PSD3: variants seen among roughly 807,000 people sequenced by gnomAD.
PSD3 encodes PH and SEC7 domain-containing protein 3.
In PSD3, 49 loss-of-function variants were observed where a neutral mutation model predicts 105.5. The ratio of observed to expected loss-of-function variants is 0.46; its 90% CI spans 0.37 to 0.59. The LOEUF is 0.59. Among genes scored for constraint, PSD3 ranks in the 20% least tolerant of loss-of-function variants. PSD3 has a pLI of 0.00. For missense variants in PSD3, 1,561 were observed against 1,263.8 expected (o/e 1.24, Z -3.57); for synonymous variants, 557 against 457.8 (o/e 1.22, Z -2.77).
intron 4 of PSD3, among the ~76,000 whole-genome samples, chr8:18,834,745 GGA>G (rs2129450727): frequency 6.6e-6 from 1 of 152,296 alleles, no homozygotes; most frequent in South Asian, 2.1e-4. Flanking sequence ...TGAAAAAAAG[GGA>G]GAGTAGAGAT....
chr8:18,993,130 T>G (rs1825893752), intron 1 of PSD3, among the ~76,000 whole-genome samples: 2 of 152,160 alleles, frequency 1.3e-5, no homozygotes, highest in African/African-American at 4.8e-5. Flanking sequence ...TAAGAAAATC[T>G]TGTAAATGTC....
chr8:18,566,690 C>T (rs984922460), intron 14 of PSD3, among the ~76,000 whole-genome samples: 5 of 152,176 alleles, frequency 3.3e-5, no homozygotes, highest in African/African-American at 9.6e-5. Context: ...TGAAATGATA[C>T]GGTTACCTTG....
intron 4 of PSD3, among the ~76,000 whole-genome samples, chr8:18,834,710 G>C (rs1055293510): frequency 1.3e-5 from 2 of 152,182 alleles, no homozygotes; most frequent in African/African-American, 2.4e-5. Flanking sequence ...AGAATGAAGA[G>C]TTATATAGAG....
intron 2 of PSD3, among the ~76,000 whole-genome samples, chr8:18,895,136 G>A (rs868221670): frequency 6.6e-6 from 1 of 152,188 alleles, no homozygotes; most frequent in African/African-American, 2.4e-5. Flanking sequence ...GGCAATCAAG[G>A]AAGCCTGCTC....
intron 9 of PSD3, among the ~76,000 whole-genome samples, chr8:18,739,657 A>C (rs907957090): frequency 6.6e-6 from 1 of 152,214 alleles, no homozygotes; most frequent in Non-Finnish European, 1.5e-5. Context: ...GCAAAAAAAT[A>C]AACCACATTT....
intron 9 of PSD3, among the ~76,000 whole-genome samples, chr8:18,746,985 C>G (rs1805084355): frequency 6.6e-6 from 1 of 152,226 alleles, no homozygotes; most frequent in Admixed American, 6.5e-5. Context: ...ATCCATGTGC[C>G]TGCTTGCTCT....
At chr8:19,042,940 T>G (rs1310702633) in intron 1 of PSD3, among the ~76,000 whole-genome samples, 1 of 152,182 alleles carries the variant, frequency 6.6e-6, no homozygotes, top group Non-Finnish European at 1.5e-5. Flanking sequence ...ATTGTACCAG[T>G]GAGCTGGCCA....
intron 1 of PSD3, among the ~76,000 whole-genome samples, chr8:18,971,833 C>T (rs1824669425): frequency 1.3e-5 from 2 of 151,968 alleles, no homozygotes; most frequent in South Asian, 2.1e-4. Context: ...AGTGAAACCC[C>T]GCCTCTACTA....
At chr8:18,602,416 T>C (rs1026007940) in intron 11 of PSD3, among the ~76,000 whole-genome samples, 10 of 152,106 alleles carry the variant, frequency 6.6e-5, no homozygotes, top group African/African-American at 1.7e-4. Context: ...TGTACTCACT[T>C]ACTGCAGTCT....
intron 2 of PSD3, among the ~76,000 whole-genome samples, chr8:18,924,142 G>C (rs976479981): frequency 1.2e-4 from 19 of 152,220 alleles, no homozygotes; most frequent in African/African-American, 4.3e-4. Context: ...GGAATAAGGT[G>C]GAACCTCTAA....
intron 2 of PSD3, among the ~76,000 whole-genome samples, chr8:18,918,136 C>G (rs1469449521): frequency 6.6e-6 from 1 of 152,144 alleles, no homozygotes; most frequent in African/African-American, 2.4e-5. Flanking sequence ...CACGTAAGAC[C>G]ATTCATAACC....
intron 9 of PSD3, among the ~76,000 whole-genome samples, chr8:18,677,860 A>G (rs1367486968): frequency 6.6e-6 from 1 of 152,012 alleles, no homozygotes; most frequent in Non-Finnish European, 1.5e-5. Flanking sequence ...AATACAAAAA[A>G]TTAGCCAGGC....
In PSD3 at chr8:18,733,958, G is replaced by C. The variant is rs539658962; in HGVS notation, c.2172+31491C>G. ...CAAAACCACAGATGAAAGGAACTGA[G>C]AAGCTATGGGTTTTTTTTGCTGCCT... On this transcript the variant is annotated intron_variant, in intron 9 of 15. Transcript: ENST00000327040. 4.6e-5 allele frequency: 7 copies of C among 152,360 alleles called. No individual in the cohort carries two copies. The East Asian group carries it at 9.6e-4, about 21-fold the overall frequency. 9.4% of individuals were successfully genotyped at this position (152,360 alleles called of 1,614,324 possible).
At chr8:18,730,972 A>C (rs189752885) in intron 9 of PSD3, among the ~76,000 whole-genome samples, 1 of 152,360 alleles carries the variant, frequency 6.6e-6, no homozygotes, top group Non-Finnish European at 1.5e-5. Context: ...AACTTTAAAA[A>C]GATAATTTCT....
At chr8:18,901,064 TA>T (rs1819472347) in intron 2 of PSD3, among the ~76,000 whole-genome samples, 1 of 152,222 alleles carries the variant, frequency 6.6e-6, no homozygotes, top group African/African-American at 2.4e-5. Context: ...TAAGTTTTGA[TA>T]AACTTTAACT....
intron 11 of PSD3, among the ~76,000 whole-genome samples, chr8:18,620,465 T>C (rs887501009): frequency 1.3e-5 from 2 of 151,932 alleles, no homozygotes; most frequent in African/African-American, 2.4e-5. Flanking sequence ...ATCCCAGCAC[T>C]TTGGGAGGCC....
intron 10 of PSD3, among the ~76,000 whole-genome samples, chr8:18,644,932 C>T (rs1025003982): frequency 1.3e-5 from 2 of 152,186 alleles, no homozygotes; most frequent in African/African-American, 4.8e-5. Flanking sequence ...CTGATGAGGG[C>T]CTCCTTGCTG....
At chr8:18,768,136 AAT>A (rs1491412032) in intron 8 of PSD3, among the ~76,000 whole-genome samples, 2 of 150,374 alleles carry the variant, frequency 1.3e-5, no homozygotes, top group Non-Finnish European at 1.5e-5. Context: ...AAAAAAAAAA[AAT>A]AGCCGGATGT....
At chr8:18,579,135 A>ACAC (rs1563342138) in intron 12 of PSD3, among the ~76,000 whole-genome samples, 3 of 72,712 alleles carry the variant, frequency 4.1e-5, no homozygotes, top group Non-Finnish European at 6.1e-5. Flanking sequence ...CACACACACA[A>ACAC]AGGGCAAAAC....
Sources: allele counts gnomAD v4.1 joint callset (sites outside exome capture counted in the v4.1 genomes callset), GRCh38; gene constraint gnomAD v4.1.1; transcripts MANE v1.5; gene names NCBI Gene and HGNC (gene_info 2026-07-23, HGNC 2026-07-21).